The following KTN1 variants were observed in gnomAD, a reference collection of about 807,000 sequenced individuals.
The protein encoded by KTN1 is kinectin 1.
In KTN1, 130 loss-of-function variants were observed where a neutral mutation model predicts 222.5. The ratio of observed to expected loss-of-function variants is 0.58; its 90% CI spans 0.51 to 0.68. The LOEUF is 0.68. Ranked by LOEUF, KTN1 falls within the 30% of genes least tolerant of loss-of-function variation. KTN1 has a pLI of 0.00. For missense variants in KTN1, 1,508 were observed against 1,500.4 expected (o/e 1.01, Z -0.08); for synonymous variants, 512 against 496.3 (o/e 1.03, Z -0.42).
intron 41 of KTN1, among the ~76,000 whole-genome samples, chr14:55,677,392 G>T (rs936278427): frequency 2.0e-5 from 3 of 150,950 alleles, no homozygotes; most frequent in African/African-American, 7.3e-5. Flanking sequence ...CAGAAGAATT[G>T]CTTGAATCCG....
intron 33 of KTN1, among the ~76,000 whole-genome samples, chr14:55,666,525 A>G (rs2044766072): frequency 6.6e-6 from 1 of 151,768 alleles, no homozygotes; most frequent in Non-Finnish European, 1.5e-5. Flanking sequence ...TGAGTTTATA[A>G]TTGATATCCA....
intron 7 of KTN1, 105 bp from the exon 8 acceptor site, chr14:55,633,130 C>A: frequency 4.0e-6 from 2 of 494,054 alleles, no homozygotes; most frequent in South Asian, 5.4e-5. Context: ...ATTCAAACTT[C>A]ATTCTATTGA....
Position 55,647,585 on chromosome 14 carries a change from A to G in KTN1, c.2208-440A>G, listed in dbSNP as rs576654776. ...GAGGCAGAGGTTGCAGTGAGCCGAA[A>G]TCATGCCATTGCACTCCAGCCTGGG... is the stretch of plus-strand genomic sequence containing the variant. On this transcript the variant is annotated intron_variant, in intron 19 of 43. Coordinates refer to ENST00000395314, the MANE Select transcript of KTN1 (RefSeq NM_001079521.2). Among the ~76,000 whole-genome samples the G allele has an allele frequency of 4.2e-5, 6 of 144,040 alleles. No homozygotes were observed. In the South Asian group the frequency reaches 1.3e-3, roughly 32 times the overall value. The allele number at this position is 144,040 out of a possible 152,430, so 94.5% of individuals were successfully genotyped here.
intron 34 of KTN1, 186 bp downstream of exon 34, chr14:55,667,516 A>G: frequency 5.5e-6 from 2 of 366,204 alleles, no homozygotes; most frequent in Non-Finnish European, 4.8e-6. Flanking sequence ...TTTACCTGAT[A>G]CTATTGTTTC....
intron 1 of KTN1, among the ~76,000 whole-genome samples, chr14:55,588,566 A>G (rs1566653096): frequency 6.6e-6 from 1 of 152,226 alleles, no homozygotes; most frequent in African/African-American, 2.4e-5. Context: ...ATGTGGAGAT[A>G]ATTAGAGTCA....
chr14:55,627,119 G>A (rs2039938892), intron 5 of KTN1, among the ~76,000 whole-genome samples: 1 of 152,076 alleles, frequency 6.6e-6, no homozygotes, highest in Admixed American at 6.6e-5. Context: ...TGAGATTACA[G>A]GTTACTGTCA....
chr14:55,648,903 C>G (rs2042657698), intron 21 of KTN1, 33 bp downstream of exon 21: 2 of 1,376,230 alleles, frequency 1.5e-6, no homozygotes, highest in East Asian at 2.3e-5. Context: ...TTCTTTGTCT[C>G]TGTGTTTTTT....
chr14:55,619,728 A>T (rs761635062), intron 5 of KTN1, among the ~76,000 whole-genome samples: 4 of 152,152 alleles, frequency 2.6e-5, no homozygotes, highest in Non-Finnish European at 4.4e-5. Context: ...CCATGATTCA[A>T]TTATGTCCCA....
At chr14:55,640,571 ATGATT>A (rs2041679025) in intron 15 of KTN1, 129 bp downstream of exon 15, 1 of 645,720 alleles carries the variant, frequency 1.5e-6, no homozygotes, top group Non-Finnish European at 2.7e-6. Context: ...CTTTGGCTGC[ATGATT>A]TGATGTTACT....
chr14:55,651,957 C>G (rs1555380557), intron 25 of KTN1, 30 bp downstream of exon 25: 1 of 1,414,808 alleles, frequency 7.1e-7, no homozygotes, highest in Non-Finnish European at 9.8e-7. Context: ...TTTCCTTTTA[C>G]TATTTCTTTT....
chr14:55,656,304 G>T, intron 29 of KTN1, 172 bp downstream of exon 29: 1 of 572,552 alleles, frequency 1.7e-6, no homozygotes. Context: ...CATAAAATGT[G>T]TGTATGTATG....
chr14:55,652,477 C>T (rs1456320415), intron 25 of KTN1, among the ~76,000 whole-genome samples: 2 of 149,054 alleles, frequency 1.3e-5, no homozygotes, highest in Admixed American at 6.8e-5. Context: ...CGGCTCACTG[C>T]AACCTCCACC....
intron 40 of KTN1, chr14:55,675,492 C>T (rs867273042): frequency 7.4e-5 from 13 of 176,058 alleles, no homozygotes; most frequent in Admixed American, 1.7e-4. Flanking sequence ...TAAAAACTAA[C>T]GGGTAAAGTA....
chr14:55,680,712 C>T, intron 43 of KTN1: 1 of 1,366,428 alleles, frequency 7.3e-7, no homozygotes, highest in Middle Eastern at 2.1e-4. Context: ...CCTACCTTGA[C>T]ACATGCTCTC....
intron 31 of KTN1, chr14:55,661,305 A>C (rs1228198780): frequency 7.1e-6 from 3 of 420,002 alleles, no homozygotes; most frequent in Non-Finnish European, 1.3e-5. Context: ...AAGCCTGAGC[A>C]TACCATATTA....
chr14:55,634,414 G>T, intron 8 of KTN1, 112 bp from the exon 9 acceptor site: 2 of 820,686 alleles, frequency 2.4e-6, no homozygotes, highest in Non-Finnish European at 1.8e-6. Flanking sequence ...TTTCAGTTGG[G>T]CTGTAAATGG....
rs1594831967 is a variant in KTN1, at chr14:55,612,020, T to G, written c.-29T>G. 1 of 1,298,222 alleles carries G rather than the reference T, an allele frequency of 7.7e-7. No individual in the cohort carries two copies. The highest frequency in any genetic ancestry group is 1.0e-6 in the Non-Finnish European group (1 of 985,272). The allele number at this position is 1,298,222 out of a possible 1,614,324, so 80.4% of individuals were successfully genotyped here. On this transcript the variant is annotated splice_region_variant and 5_prime_UTR_variant, in exon 2 of 44. Coordinates refer to ENST00000395314, the MANE Select transcript of KTN1 (RefSeq NM_001079521.2). The stretch of plus-strand genomic sequence containing the variant: ...GTCCCCACCTTCTTCCCTATTTAGG[T>G]TTTATAGGATCACATTGACAAAAGT...
Position 55,672,669 on chromosome 14 carries a change from C to T in KTN1, c.3571C>T (p.Arg1191Ter). 1.9e-6 allele frequency: 3 copies of T among 1,605,876 alleles called. No homozygotes were observed. Among genetic ancestry groups the T allele is most frequent in the Non-Finnish European group, 2.6e-6 (3 of 1,173,220 alleles). ...SFTSSEQELERLRSENKDIEN... is the reference protein window; with the variant it reads ...SFTSSEQELE ...TACATCTTCAGAACAAGAGCTAGAG[C>T]GATTAAGAAGCGAAAATAAGGATAT... Residue 1191 changes from arginine (R) to a stop codon, truncating the protein, a stop_gained, in exon 38 of 44, where the codon CGA becomes TGA. Transcript: ENST00000395314. LOFTEE classifies it high-confidence loss of function.
At chr14:55,663,763 G>A (rs1385779299) in intron 32 of KTN1, 192 bp from the exon 33 acceptor site, 5 of 518,044 alleles carry the variant, frequency 9.7e-6, no homozygotes, top group Non-Finnish European at 1.4e-5. Flanking sequence ...AACATGGAAA[G>A]TGGGCGTCTT....
Sources: allele counts gnomAD v4.1 joint callset (sites outside exome capture counted in the v4.1 genomes callset), GRCh38; gene constraint gnomAD v4.1.1; transcripts MANE v1.5; gene names NCBI Gene and HGNC (gene_info 2026-07-23, HGNC 2026-07-21).